Variants in EPHB1 observed in about 807,000 individuals in gnomAD.
The protein encoded by EPHB1 is EPH receptor B1, also known as ephrin type-B receptor 1.
Under a neutral mutation model 94.4 loss-of-function variants are expected in EPHB1, and 30 were observed. The observed-to-expected ratio is 0.32, with a 90% confidence interval of 0.24 to 0.43. The LOEUF (loss-of-function observed/expected upper bound fraction) is 0.43. EPHB1 is among the 20% of genes least tolerant of loss of function. EPHB1 has a pLI of 1.00. For synonymous variants in EPHB1, 522 were observed against 489.1 expected (o/e 1.07, Z -0.89); for missense variants, 1,055 against 1,308.3 (o/e 0.81, Z 2.99).
At chr3:134,799,923 A>C (rs774296438) in intron 1 of EPHB1, among the ~76,000 whole-genome samples, 5 of 152,180 alleles carry the variant, frequency 3.3e-5, no homozygotes, top group Non-Finnish European at 7.3e-5. Context: ...ACAGGACAGC[A>C]CCATGACCCC....
chr3:135,220,309 C>T (rs1216062974), intron 12 of EPHB1, among the ~76,000 whole-genome samples: 1 of 152,090 alleles, frequency 6.6e-6, no homozygotes, highest in Non-Finnish European at 1.5e-5. Context: ...GGGGAATATG[C>T]AGGAATGATT....
chr3:134,841,262 T>C (rs1159650691), intron 1 of EPHB1, among the ~76,000 whole-genome samples: 1 of 152,200 alleles, frequency 6.6e-6, no homozygotes, highest in Non-Finnish European at 1.5e-5. Context: ...TTAGATGCTC[T>C]GCCTGTCCCA....
At chr3:135,217,424 CCA>C (rs200312241) in intron 12 of EPHB1, among the ~76,000 whole-genome samples, 27,003 of 143,184 alleles carry the variant, frequency 0.19, 2,621 homozygotes, top group East Asian at 0.41. Flanking sequence ...CCCATCAGTA[CCA>C]CACACACACA....
intron 4 of EPHB1, among the ~76,000 whole-genome samples, chr3:135,119,150 C>A (rs977772486): frequency 3.9e-5 from 6 of 152,034 alleles, no homozygotes; most frequent in African/African-American, 9.7e-5. Context: ...GTTTATTGAC[C>A]AATTTAGTCT....
intron 3 of EPHB1, among the ~76,000 whole-genome samples, chr3:135,041,373 G>A (rs566518625): frequency 6.6e-6 from 1 of 152,284 alleles, no homozygotes; most frequent in East Asian, 1.9e-4. Context: ...CCGTGGAAAT[G>A]TGAGCTGTGA....
At chr3:134,932,627 GATA>G (rs1321611299) in intron 2 of EPHB1, among the ~76,000 whole-genome samples, 1 of 152,148 alleles carries the variant, frequency 6.6e-6, no homozygotes, top group Admixed American at 6.5e-5. Context: ...ATGGGGTAAG[GATA>G]ATAACTCTGT....
intron 1 of EPHB1, among the ~76,000 whole-genome samples, chr3:134,894,252 C>T (rs1216516253): frequency 1.3e-5 from 2 of 152,184 alleles, no homozygotes; most frequent in Non-Finnish European, 2.9e-5. Context: ...CCCTGGATGT[C>T]CCCTTTTCAC....
chr3:135,243,051 G>A (rs1463075069), intron 13 of EPHB1, among the ~76,000 whole-genome samples: 1 of 147,026 alleles, frequency 6.8e-6, no homozygotes, highest in East Asian at 2.0e-4. Flanking sequence ...TTCCAGCCTG[G>A]GTGACAGAGC....
intron 12 of EPHB1, among the ~76,000 whole-genome samples, chr3:135,204,165 A>G (rs993139937): frequency 4.0e-5 from 6 of 151,428 alleles, no homozygotes; most frequent in Admixed American, 6.6e-5. Context: ...ATACAATCCA[A>G]TTATACCCTT....
intron 3 of EPHB1, among the ~76,000 whole-genome samples, chr3:134,955,241 A>G (rs1469202754): frequency 4.6e-5 from 2 of 43,696 alleles, no homozygotes; most frequent in South Asian, 9.7e-4. Flanking sequence ...ATATCTCCCA[A>G]TGCTATCCCT....
intron 5 of EPHB1, among the ~76,000 whole-genome samples, chr3:135,152,308 G>A (rs140276557): frequency 3.8e-4 from 58 of 152,300 alleles, no homozygotes; most frequent in Admixed American, 6.5e-4. Flanking sequence ...AATAAAGATC[G>A]GAAGATATGT....
chr3:134,936,995 T>C (rs2039017215), intron 2 of EPHB1, among the ~76,000 whole-genome samples: 1 of 152,098 alleles, frequency 6.6e-6, no homozygotes, highest in South Asian at 2.1e-4. Flanking sequence ...CTGGTGCCAG[T>C]TGAAGGTAAT....
At chr3:134,978,576 C>T (rs1039878120) in intron 3 of EPHB1, among the ~76,000 whole-genome samples, 4 of 152,188 alleles carry the variant, frequency 2.6e-5, no homozygotes, top group African/African-American at 9.7e-5. Flanking sequence ...TCCTGGATTT[C>T]CCTTCTCTTT....
intron 4 of EPHB1, among the ~76,000 whole-genome samples, chr3:135,129,609 G>T (rs1940347338): frequency 6.6e-6 from 1 of 152,188 alleles, no homozygotes; most frequent in Non-Finnish European, 1.5e-5. Flanking sequence ...CCAGACAACT[G>T]CCCCTGTCTA....
chr3:135,192,635 G>C lies in EPHB1; in HGVS notation c.1942G>C (p.Val648Leu), dbSNP rs1341771878. The stretch of plus-strand genomic sequence containing the variant: ...ACTGCCAGGCAAGAGGGAAATCTAC[G>C]TGGCCATCAAGACCCTGAAGGCAGG... ...LKLPGKREIYVAIKTLKAGYS... is the reference protein window; with the variant it reads ...LKLPGKREIYLAIKTLKAGYS... The change falls in exon 11 of 16, where the codon GTG (valine) becomes CTG (leucine). Residue 648 changes from valine to leucine, a missense_variant. Transcript: ENST00000398015. 6.2e-7 allele frequency: 1 copy of C among 1,613,974 alleles called. No individual in the cohort carries two copies. Among genetic ancestry groups the C allele is most frequent in the African/African-American group, 1.3e-5 (1 of 74,906 alleles).
intron 3 of EPHB1, among the ~76,000 whole-genome samples, chr3:134,961,121 C>T (rs2107721737): frequency 6.6e-6 from 1 of 152,256 alleles, no homozygotes; most frequent in Non-Finnish European, 1.5e-5. Flanking sequence ...TATTGGGCAC[C>T]AACTGGTACT....
At chr3:134,978,338 T>C (rs2107732165) in intron 3 of EPHB1, among the ~76,000 whole-genome samples, 1 of 152,284 alleles carries the variant, frequency 6.6e-6, no homozygotes, top group East Asian at 1.9e-4. Context: ...GTAAAGCTGG[T>C]CCTGTCGACC....
chr3:135,216,548 C>A (rs1943151436), intron 12 of EPHB1, among the ~76,000 whole-genome samples: 1 of 151,718 alleles, frequency 6.6e-6, no homozygotes, highest in Non-Finnish European at 1.5e-5. Flanking sequence ...CATGATGAAA[C>A]CTCATCTCTA....
At chr3:135,043,989 A>G (rs1199049372) in intron 3 of EPHB1, among the ~76,000 whole-genome samples, 6 of 152,206 alleles carry the variant, frequency 3.9e-5, no homozygotes, top group Non-Finnish European at 7.3e-5. Context: ...CTAATGAGAG[A>G]ACAAATAGGA....
Sources: allele counts gnomAD v4.1 joint callset (sites outside exome capture counted in the v4.1 genomes callset), GRCh38; gene constraint gnomAD v4.1.1; transcripts MANE v1.5; gene names NCBI Gene and HGNC (gene_info 2026-07-23, HGNC 2026-07-21).